Variants in FGD1 observed in about 807,000 individuals in gnomAD.
FGD1 encodes the protein FYVE, RhoGEF and PH domain containing 1, also known as FYVE, RhoGEF and PH domain-containing protein 1.
FGD1 carries 12 observed loss-of-function variants against 65.0 expected under a neutral mutation model. The observed-to-expected ratio is 0.18, with a 90% confidence interval of 0.12 to 0.30. The LOEUF is 0.30. Ranked by LOEUF, FGD1 falls within the 10% of genes least tolerant of loss-of-function variation. FGD1 has a pLI of 1.00. For synonymous variants in FGD1, 333 were observed against 343.9 expected (o/e 0.97, Z 0.35); for missense variants, 542 against 837.6 (o/e 0.65, Z 4.36).
chrX:54,480,951 C>A (rs1406116308), intron 1 of FGD1, among the ~76,000 whole-genome samples: 1 of 111,807 alleles, frequency 8.9e-6, no homozygotes, highest in African/African-American at 3.3e-5. Flanking sequence ...TGTGCCCGGC[C>A]GGGAAATCCA....
intron 6 of FGD1, among the ~76,000 whole-genome samples, chrX:54,467,358 C>A (rs201677492): frequency 1.1e-4 from 11 of 96,387 alleles, no homozygotes; most frequent in Admixed American, 2.3e-4. Context: ...TTTTCTTTTT[C>A]TTTTTTTTTT....
chrX:54,470,671 C>A lies in FGD1; in HGVS notation c.571G>T (p.Asp191Tyr). 3 of 935,040 alleles carry A rather than the reference C, an allele frequency of 3.2e-6. No individual in the cohort carries two copies. The highest frequency in any genetic ancestry group is 4.2e-6 in the Non-Finnish European group (3 of 722,405). The allele number at this position is 935,040 out of a possible 1,213,427, so 77.1% of individuals were successfully genotyped here. Residue 191 changes from aspartate to tyrosine, a missense_variant, in exon 3 of 18, where the codon GAC (aspartate) becomes TAC (tyrosine). Transcript: ENST00000375135. ...PPPPSRPLPA[D>Y]PRVAKGLAPR... Reference sequence around the variant, plus strand: ...GCCAGGCCCTTGGCCACTCGGGGGTCGGCAGGCAGTGGGCGTGATGGTGGA... The same window carrying A: ...GCCAGGCCCTTGGCCACTCGGGGGTAGGCAGGCAGTGGGCGTGATGGTGGA...
chrX:54,475,441 T>G (rs1229261260), intron 1 of FGD1, among the ~76,000 whole-genome samples: 1 of 108,636 alleles, frequency 9.2e-6, no homozygotes, highest in Non-Finnish European at 1.9e-5. Flanking sequence ...AGTCACAAAC[T>G]GCAGTGTAGC....
At position 54,483,514 on chromosome X, in the gene FGD1, C is replaced by T. The variant is rs149601240; in HGVS notation, c.307+11612G>A. On this transcript the variant is annotated intron_variant, in intron 1 of 17. Coordinates refer to ENST00000375135, the MANE Select transcript of FGD1 (RefSeq NM_004463.3). The stretch of plus-strand genomic sequence containing the variant: ...CCGCTTTCCACAGGCGCCTTCCCTC[C>T]GCGATTTAACCCTTTCCCTGCAGGG... Among the ~76,000 whole-genome samples, 162 of 112,604 alleles carry T rather than the reference C, an allele frequency of 1.4e-3. 1 individual carries two copies. In the East Asian group the frequency reaches 0.026, roughly 18 times the overall value.
At chrX:54,471,635 G>T in intron 1 of FGD1, 148 bp from the exon 2 acceptor site, 1 of 554,949 alleles carries the variant, frequency 1.8e-6, no homozygotes, top group Non-Finnish European at 2.8e-6. Flanking sequence ...TTTCTGGGAA[G>T]CCCCTATCCT....
At chrX:54,454,358 G>A (rs936534919) in intron 12 of FGD1, among the ~76,000 whole-genome samples, 1 of 111,797 alleles carries the variant, frequency 8.9e-6, no homozygotes, top group Non-Finnish European at 1.9e-5. Context: ...ACCTAGAAAA[G>A]GTATAGTAAA....
At chrX:54,484,959 G>C (rs1363508834) in intron 1 of FGD1, among the ~76,000 whole-genome samples, 5 of 112,890 alleles carry the variant, frequency 4.4e-5, no homozygotes, top group Non-Finnish European at 9.4e-5. Context: ...GGCATTGTTA[G>C]CTGCCACTCC....
intron 1 of FGD1, among the ~76,000 whole-genome samples, chrX:54,488,585 A>G (rs1923344949): frequency 9.0e-6 from 1 of 111,313 alleles, no homozygotes; most frequent in African/African-American, 3.3e-5. Flanking sequence ...ACTCCATCTC[A>G]ACAACAACAA....
chrX:54,496,217 C>A lies in FGD1; in HGVS notation c.-785G>T, dbSNP rs969050220. ...CTCGCAGAGGCAGCCGCAGCCACAG[C>A]GGCACTGGGACCCAGTTACCGGGGC... On this transcript the variant is annotated 5_prime_UTR_variant, in exon 1 of 18. Transcript: ENST00000375135. 8.9e-6 allele frequency: 1 copy of A among 111,910 alleles called. No homozygotes were observed. Among genetic ancestry groups the A allele is most frequent in the Non-Finnish European group, 1.9e-5 (1 of 52,979 alleles). The allele number at this position is 111,910 out of a possible 1,213,427, so 9.2% of individuals were successfully genotyped here.
rs761992557 is a variant in FGD1, at chrX:54,459,477, G to A, written c.1637-2910C>T. On this transcript the variant is annotated intron_variant, in intron 8 of 17. Coordinates refer to ENST00000375135, the MANE Select transcript of FGD1 (RefSeq NM_004463.3). ...GCCCAGTGTAGGCAACTGAGGCCAG[G>A]AGTTCCAGATGGCCTGGTATGGGGA... 8.1e-5 allele frequency among the ~76,000 whole-genome samples: 9 copies of A among 110,736 alleles called. No homozygotes were observed. The East Asian group carries it at 2.6e-3, about 32-fold the overall frequency.
chrX:54,484,640 C>CGGCTATGCCCT (rs2147443256), intron 1 of FGD1, among the ~76,000 whole-genome samples: 1 of 82,643 alleles, frequency 1.2e-5, no homozygotes, highest in South Asian at 4.7e-4. Flanking sequence ...GAGGCTCCCC[C>CGGCTATGCCCT]GGCTATGCCC....
chrX:54,449,309 C>T, intron 14 of FGD1, 41 bp from the exon 15 acceptor site: 2 of 1,205,278 alleles, frequency 1.7e-6, no homozygotes, highest in South Asian at 1.8e-5. Context: ...ACAGCTACTC[C>T]CCAGCCCAGT....
intron 12 of FGD1, among the ~76,000 whole-genome samples, chrX:54,451,067 T>A (rs777353399): frequency 1.6e-4 from 17 of 103,920 alleles, no homozygotes; most frequent in Non-Finnish European, 2.9e-4. Context: ...AAAAAAATTC[T>A]CTGTTGCTGG....
intron 8 of FGD1, among the ~76,000 whole-genome samples, chrX:54,459,831 G>A (rs1922586287): frequency 9.0e-6 from 1 of 110,731 alleles, no homozygotes; most frequent in African/African-American, 3.3e-5. Flanking sequence ...CCAAGCTCAA[G>A]CTGTGAGGTT....
intron 1 of FGD1, among the ~76,000 whole-genome samples, chrX:54,483,076 A>G (rs768772399): frequency 8.9e-6 from 1 of 111,968 alleles, no homozygotes; most frequent in East Asian, 2.8e-4. Flanking sequence ...CACTTTAGAA[A>G]GTGGCGGACC....
At position 54,495,242 on chromosome X, in the gene FGD1, G is replaced by C; in HGVS notation, c.191C>G (p.Ser64Trp). ...GPLDPQFVGP[S>W]DTSLGAAPGH... ...TGGAGCAGCGCCCAGGCTGGTGTCC[G>C]AGGGTCCGACAAACTGGGGATCCAG... Residue 64 changes from serine (S) to tryptophan (W), a missense_variant, in exon 1 of 18, where the codon TCG becomes TGG. Ser to Trp is a radical substitution (Grantham distance 177). Transcript: ENST00000375135. 8.4e-7 allele frequency: 1 copy of C among 1,193,436 alleles called. No individual in the cohort carries two copies. Among genetic ancestry groups the C allele is most frequent in the Non-Finnish European group, 1.1e-6 (1 of 887,144 alleles).
intron 11 of FGD1, 24 bp downstream of exon 11, chrX:54,455,668 A>G (rs1000276012): frequency 8.6e-6 from 10 of 1,168,757 alleles, no homozygotes; most frequent in Non-Finnish European, 1.2e-5. Flanking sequence ...CCAAGTTCCC[A>G]TTTCCCACCT....
intron 16 of FGD1, among the ~76,000 whole-genome samples, chrX:54,448,413 C>T (rs1601948234): frequency 3.6e-5 from 4 of 110,789 alleles, no homozygotes; most frequent in South Asian, 7.7e-4. Flanking sequence ...CCTGAACTCC[C>T]GACCTCCGGT....
intron 1 of FGD1, among the ~76,000 whole-genome samples, chrX:54,487,006 A>G (rs1338918305): frequency 9.6e-6 from 1 of 103,862 alleles, no homozygotes; most frequent in Non-Finnish European, 2.0e-5. Flanking sequence ...AAAAACAAAG[A>G]AAACAACAAC....
Sources: gnomAD v4.1 joint callset for allele counts (sites outside exome capture counted in the v4.1 genomes callset) on GRCh38, gnomAD v4.1.1 for gene constraint, MANE v1.5 for transcripts, NCBI Gene and HGNC (gene_info 2026-07-23, HGNC 2026-07-21) for gene names.